CFAP263: variants seen among roughly 807,000 people sequenced by gnomAD.
CFAP263 encodes the protein cilia- and flagella-associated protein 263.
chr16:58,256,004 G>A, the CFAP263 span, among the ~76,000 whole-genome samples: 1 of 152,194 alleles, frequency 6.6e-6, no homozygotes, highest in African/African-American at 2.4e-5. Context: ...TTGCCCACAG[G>A]ATGACGTTGT....
At chr16:58,262,574 A>T in the CFAP263 span, 2 of 1,563,080 alleles carry the variant, frequency 1.3e-6, no homozygotes, top group Non-Finnish European at 1.7e-6. Context: ...GGCTCCCCCA[A>T]GGCTTTCCAC....
the CFAP263 span, chr16:58,253,958 A>G: frequency 2.1e-4 from 339 of 1,612,392 alleles, no homozygotes; most frequent in African/African-American, 3.8e-3. Flanking sequence ...TTCATTACCA[A>G]TTCCTCTTTG....
the CFAP263 span, among the ~76,000 whole-genome samples, chr16:58,257,014 CTTTTT>C: frequency 9.5e-5 from 4 of 41,928 alleles, no homozygotes; most frequent in Non-Finnish European, 1.5e-4. Flanking sequence ...ATATGAATTT[CTTTTT>C]TTTTTTTTTT....
the CFAP263 span, among the ~76,000 whole-genome samples, chr16:58,256,384 AAG>A: frequency 6.6e-6 from 1 of 152,184 alleles, no homozygotes; most frequent in African/African-American, 2.4e-5. Context: ...TAGGGCTTAA[AAG>A]AGACTTGGCA....
chr16:58,253,387 A>T, the CFAP263 span, among the ~76,000 whole-genome samples: 1 of 151,908 alleles, frequency 6.6e-6, no homozygotes, highest in African/African-American at 2.4e-5. Flanking sequence ...TCTCAAAAAA[A>T]TTAAAAAAAA....
At chr16:58,262,660 A>T in the CFAP263 span, 1 of 893,066 alleles carries the variant, frequency 1.1e-6, no homozygotes, top group South Asian at 2.3e-5. Context: ...CTCGCTGTCA[A>T]GCCATGTGTC....
chr16:58,254,188 C>G, the CFAP263 span: 1 of 1,612,680 alleles, frequency 6.2e-7, no homozygotes, highest in Admixed American at 1.7e-5. Context: ...GCAGCCTGTC[C>G]TGCCCAGGCT....
the CFAP263 span, among the ~76,000 whole-genome samples, chr16:58,262,052 T>C: frequency 5.3e-5 from 8 of 152,148 alleles, no homozygotes; most frequent in Non-Finnish European, 1.0e-4. Flanking sequence ...CTTCCTCCCC[T>C]GGCCTGGCTT....
the CFAP263 span, chr16:58,283,571 T>G: frequency 6.6e-6 from 1 of 152,186 alleles, no homozygotes; most frequent in Non-Finnish European, 1.5e-5. Flanking sequence ...GATGGTGCAT[T>G]CTATAATTGG....
At chr16:58,253,375 T>A in the CFAP263 span, among the ~76,000 whole-genome samples, 2 of 151,754 alleles carry the variant, frequency 1.3e-5, no homozygotes, top group Non-Finnish European at 2.9e-5. Context: ...AGCAAGACTC[T>A]GTCTCAAAAA....
At chr16:58,261,484 C>T in the CFAP263 span, among the ~76,000 whole-genome samples, 13 of 152,298 alleles carry the variant, frequency 8.5e-5, no homozygotes, top group Non-Finnish European at 1.6e-4. Flanking sequence ...GGGCCCTGCC[C>T]TTGCGAGCTC....
At chr16:58,259,643 T>C in the CFAP263 span, among the ~76,000 whole-genome samples, 1 of 152,140 alleles carries the variant, frequency 6.6e-6, no homozygotes, top group African/African-American at 2.4e-5. Flanking sequence ...CAATATAAAA[T>C]TTGCATGGTG....
the CFAP263 span, chr16:58,281,544 C>T: frequency 6.6e-6 from 1 of 152,330 alleles, no homozygotes; most frequent in Non-Finnish European, 1.5e-5. Flanking sequence ...CCTGCCCAGA[C>T]CCCACACCCC....
chr16:58,280,629 G>A, the CFAP263 span: 1 of 1,614,136 alleles, frequency 6.2e-7, no homozygotes, highest in South Asian at 1.1e-5. Flanking sequence ...TGATCCATTT[G>A]CTGTAGTCTT....
the CFAP263 span, chr16:58,252,782 A>G: frequency 1.2e-6 from 2 of 1,613,344 alleles, no homozygotes; most frequent in Non-Finnish European, 8.5e-7. Flanking sequence ...ATATTACGCT[A>G]AACTGGAGCC....
chr16:58,274,744 G>T, the CFAP263 span, among the ~76,000 whole-genome samples: 12,943 of 152,170 alleles, frequency 0.085, 736 homozygotes, highest in Admixed American at 0.12. Flanking sequence ...TTATAAAATT[G>T]TCCAGTCTTG....
At chr16:58,266,405 ATTTTTTTTTTTTTTTTT>A in the CFAP263 span, among the ~76,000 whole-genome samples, 4 of 31,430 alleles carry the variant, frequency 1.3e-4, no homozygotes, top group Non-Finnish European at 2.3e-4. Context: ...ATATATATAT[ATTTTTTTTTTTTTTTTT>A]TTTTTTTTTT....
chr16:58,261,074 C>A, the CFAP263 span, among the ~76,000 whole-genome samples: 8 of 152,070 alleles, frequency 5.3e-5, no homozygotes, highest in Non-Finnish European at 8.8e-5. Flanking sequence ...ACAAGGTGAG[C>A]CCCACCCTTG....
the CFAP263 span, among the ~76,000 whole-genome samples, chr16:58,279,236 G>A: frequency 6.6e-6 from 1 of 152,106 alleles, no homozygotes; most frequent in African/African-American, 2.4e-5. Context: ...GGTCATGCAG[G>A]ACATCATCAG....
Sources: gnomAD v4.1 joint callset for allele counts (sites outside exome capture counted in the v4.1 genomes callset) on GRCh38, gnomAD v4.1.1 for gene constraint, MANE v1.5 for transcripts, NCBI Gene and HGNC (gene_info 2026-07-23, HGNC 2026-07-21) for gene names.